The following PGRMC1 variants were observed in gnomAD, a reference collection of about 807,000 sequenced individuals.
PGRMC1 encodes progesterone receptor membrane component 1.
For synonymous variants in PGRMC1, 73 were observed against 77.3 expected (o/e 0.94, Z 0.29); for missense variants, 145 against 169.0 (o/e 0.86, Z 0.79).
intron 2 of PGRMC1, among the ~76,000 whole-genome samples, chrX:119,240,746 G>T (rs1468895449): frequency 8.9e-6 from 1 of 111,792 alleles, no homozygotes; most frequent in Non-Finnish European, 1.9e-5. Flanking sequence ...AGGATTTGGT[G>T]CTTGGTGTGT....
rs142344411 is a variant in PGRMC1, at chrX:119,243,200, T to C, written c.534T>C (p.Thr178=). Residue 178 remains threonine, a synonymous_variant, in exon 3 of 3, where the codon ACT becomes ACC. Coordinates refer to ENST00000217971, the MANE Select transcript of PGRMC1 (RefSeq NM_006667.5). Reference sequence around the variant, plus strand: ...TGCTGAAGGAGGGGGAGGAGCCCACTGTGTACTCAGATGAGGAAGAACCAA... The same window carrying C: ...TGCTGAAGGAGGGGGAGGAGCCCACCGTGTACTCAGATGAGGAAGAACCAA... ...GKLLKEGEEP[T]VYSDEEEPKD... The C allele has an allele frequency of 2.5e-6, 3 of 1,205,072 alleles. No individual in the cohort carries two copies. The African/African-American group carries it at 5.2e-5, about 21-fold the overall frequency.
At chrX:119,237,233 A>G (rs1456635131) in intron 1 of PGRMC1, among the ~76,000 whole-genome samples, 1 of 111,105 alleles carries the variant, frequency 9.0e-6, no homozygotes, top group Non-Finnish European at 1.9e-5. Flanking sequence ...AGGGTGTGGG[A>G]GAAAACGCCG....
In PGRMC1 at chrX:119,236,650, A is replaced by G. The variant is rs777697540; in HGVS notation, c.287A>G (p.Lys96Arg). 5 of 1,204,829 alleles carry G rather than the reference A, an allele frequency of 4.1e-6. No individual in the cohort carries two copies. In the East Asian group the frequency reaches 8.9e-5, roughly 22 times the overall value. The part of the protein sequence containing the change: ...DPRILMAING[K>R]VFDVTKGRKF... ...CGCATACTCATGGCCATCAACGGCA[A>G]GGTGTTCGATGTGACCAAAGGCCGC... The change falls in exon 1 of 3, where the codon AAG (lysine) becomes AGG (arginine). Residue 96 changes from lysine (K) to arginine (R), a missense_variant. Lys to Arg is a conservative substitution (Grantham distance 26, BLOSUM62 2). Coordinates refer to ENST00000217971, the MANE Select transcript of PGRMC1 (RefSeq NM_006667.5).
At chrX:119,238,124 AT>A (rs2147229702) in intron 1 of PGRMC1, among the ~76,000 whole-genome samples, 1 of 112,200 alleles carries the variant, frequency 8.9e-6, no homozygotes, top group East Asian at 2.8e-4. Flanking sequence ...TCAGGCATTC[AT>A]TTTAGTCTCC....
chrX:119,238,196 C>CATTTATTTATTATAAAAAATAAATTTT (rs1930742262), intron 1 of PGRMC1, among the ~76,000 whole-genome samples: 2 of 111,307 alleles, frequency 1.8e-5, no homozygotes, highest in Non-Finnish European at 3.8e-5. Flanking sequence ...TTCTTGCAGA[C>CATTTATTTATTATAAAAAATAAATTTT]ATTTATTTAT....
At position 119,236,910 on chromosome X, in the gene PGRMC1, C is replaced by G. The variant is rs963596725; in HGVS notation, c.328+219C>G. On this transcript the variant is annotated intron_variant, in intron 1 of 2. Transcript: ENST00000217971. ...AGAGGGGCTGCGGGCCAGTCAGGGA[C>G]GCGGATCCCCGGCCCGCGCTGACAG... is the stretch of plus-strand genomic sequence containing the variant. 4.8e-4 allele frequency among the ~76,000 whole-genome samples: 54 copies of G among 111,941 alleles called. 1 individual carries two copies. The highest frequency in any genetic ancestry group is 1.7e-3 in the African/African-American group (51 of 30,816).
Position 119,243,293 on chromosome X carries a change from A to G in PGRMC1, c.*39A>G, listed in dbSNP as rs774904900. 6 of 856,145 alleles carry G rather than the reference A, an allele frequency of 7.0e-6. No homozygotes were observed. In the East Asian group the frequency reaches 1.9e-4, roughly 27 times the overall value. The allele number at this position is 856,145 out of a possible 1,213,427, so 70.6% of individuals were successfully genotyped here. On this transcript the variant is annotated 3_prime_UTR_variant, in exon 3 of 3. Coordinates refer to ENST00000217971, the MANE Select transcript of PGRMC1 (RefSeq NM_006667.5). ...AGTATATCTATTTTTGTATTTTGCA[A>G]AATCATTTGTAACAGTCCACTCTGT... is the stretch of plus-strand genomic sequence containing the variant.
At position 119,236,699 on chromosome X, in the gene PGRMC1, G is replaced by T. The variant is rs781351048; in HGVS notation, c.328+8G>T. ...GCAAATTCTACGGGCCCGGTACGCG[G>T]CCGGCGAGGGGGGCTTGGAGACAAA... On this transcript the variant is annotated splice_region_variant and intron_variant, in intron 1 of 2. Coordinates refer to ENST00000217971, the MANE Select transcript of PGRMC1 (RefSeq NM_006667.5). The T allele has an allele frequency of 1.1e-4, 124 of 1,165,696 alleles. No individual in the cohort carries two copies. Among genetic ancestry groups the T allele is most frequent in the East Asian group, 9.6e-4 (31 of 32,313 alleles).
At position 119,236,288 on chromosome X, in the gene PGRMC1, C is replaced by G. The variant is rs749139112; in HGVS notation, c.-76C>G. Reference sequence around the variant, plus strand: ...CCGCCGCCGAACCCCGCGCGCCACTCGCTCGCTCAGAGGGAGGAGAAAGTG... The same window carrying G: ...CCGCCGCCGAACCCCGCGCGCCACTGGCTCGCTCAGAGGGAGGAGAAAGTG... On this transcript the variant is annotated 5_prime_UTR_variant, in exon 1 of 3. Transcript: ENST00000217971. 4.0e-6 allele frequency: 4 copies of G among 996,117 alleles called. No individual in the cohort carries two copies. The African/African-American group carries it at 5.7e-5, about 14-fold the overall frequency. The allele number at this position is 996,117 out of a possible 1,213,427, so 82.1% of individuals were successfully genotyped here. A position where few individuals can be genotyped will look rare whatever the true frequency, so the allele number is the denominator to read the frequency against.
At position 119,243,705 on chromosome X, in the gene PGRMC1, A is replaced by T. The variant is rs1438312503; in HGVS notation, c.*451A>T. On this transcript the variant is annotated 3_prime_UTR_variant, in exon 3 of 3. Coordinates refer to ENST00000217971, the MANE Select transcript of PGRMC1 (RefSeq NM_006667.5). Reference sequence around the variant, plus strand: ...ATGATTTCTGTTTTATCTACCTCTAAAGCAAATCTGCAGTGTTCCAAAGAC... The same window carrying T: ...ATGATTTCTGTTTTATCTACCTCTATAGCAAATCTGCAGTGTTCCAAAGAC... The T allele has an allele frequency of 6.0e-5, 10 of 165,856 alleles. No homozygotes were observed. The highest frequency in any genetic ancestry group is 1.1e-4 in the Non-Finnish European group (10 of 88,572). 13.7% of individuals were successfully genotyped at this position (165,856 alleles called of 1,213,427 possible). A position where few individuals can be genotyped will look rare whatever the true frequency, so the allele number is the denominator to read the frequency against.
At chrX:119,237,403 C>T (rs960134208) in intron 1 of PGRMC1, among the ~76,000 whole-genome samples, 4 of 109,082 alleles carry the variant, frequency 3.7e-5, no homozygotes, top group Non-Finnish European at 7.6e-5. Flanking sequence ...ATGGGTCATG[C>T]GTCAGGTATG....
intron 2 of PGRMC1, among the ~76,000 whole-genome samples, chrX:119,241,642 T>TA (rs1930821077): frequency 8.9e-6 from 1 of 112,007 alleles, no homozygotes; most frequent in Non-Finnish European, 1.9e-5. Flanking sequence ...CAGCTACACT[T>TA]AAAGTTGGTG....
intron 1 of PGRMC1, among the ~76,000 whole-genome samples, chrX:119,238,832 T>A (rs1414981200): frequency 1.8e-5 from 2 of 112,379 alleles, no homozygotes; most frequent in Admixed American, 1.9e-4. Context: ...AAATTAGTCA[T>A]TCTAGTGCCT....
rs1336208437 is a variant in PGRMC1 at position 119,244,199 on chromosome X, CTGT to C, written c.*950_*952del. 1 of 112,553 alleles carries C rather than the reference CTGT, an allele frequency of 8.9e-6. No homozygotes were observed. Among genetic ancestry groups the C allele is most frequent in the Non-Finnish European group, 1.9e-5 (1 of 53,221 alleles). 9.3% of individuals were successfully genotyped at this position (112,553 alleles called of 1,213,427 possible). A position where few individuals can be genotyped will look rare whatever the true frequency, so the allele number is the denominator to read the frequency against. ...GTATATTCATAAGGTAACAGTTATT[CTGT>C]TGTTATAAAACTATACCCACTGCAA... On this transcript the variant is annotated 3_prime_UTR_variant, in exon 3 of 3. Coordinates refer to ENST00000217971, the MANE Select transcript of PGRMC1 (RefSeq NM_006667.5).
rs41295162 is a variant in PGRMC1 at position 119,243,036 on chromosome X, C to T, written c.485-115C>T. On this transcript the variant is annotated intron_variant, in intron 2 of 2. Transcript: ENST00000217971. The stretch of plus-strand genomic sequence containing the variant: ...ACCACCTTTGTATCCTTCAAGAAGC[C>T]CAACACATTGCTGAGTATATTGCAG... The T allele has an allele frequency of 1.5e-3, 837 of 545,693 alleles. 9 individuals are homozygous for T. In the Admixed American group the frequency reaches 0.015, roughly 10 times the overall value. The allele number at this position is 545,693 out of a possible 1,213,427, so 45.0% of individuals were successfully genotyped here. A position where few individuals can be genotyped will look rare whatever the true frequency, so the allele number is the denominator to read the frequency against.
intron 2 of PGRMC1, among the ~76,000 whole-genome samples, chrX:119,241,013 T>C (rs1396910297): frequency 8.9e-6 from 1 of 112,174 alleles, no homozygotes; most frequent in African/African-American, 3.2e-5. Context: ...TTCTGGCTTA[T>C]GCTATGGGCT....
Position 119,243,379 on chromosome X carries a change from A to G in PGRMC1, c.*125A>G. 1 of 508,430 alleles carries G rather than the reference A, an allele frequency of 2.0e-6. No individual in the cohort carries two copies. 41.9% of individuals were successfully genotyped at this position (508,430 alleles called of 1,213,427 possible). On this transcript the variant is annotated 3_prime_UTR_variant, in exon 3 of 3. Transcript: ENST00000217971. ...TTGAGCACTTGCTATAAGTTTTTTA[A>G]TTAACATCACTAGTGACACTAATAA...
chrX:119,240,192 G>T lies in PGRMC1; in HGVS notation c.329-117G>T, dbSNP rs1930787038. Reference sequence around the variant, plus strand: ...TCAGCATTACTATGGTTTCCTAATGGAATTTGATATTCAAAAATGGGGCTA... The same window carrying T: ...TCAGCATTACTATGGTTTCCTAATGTAATTTGATATTCAAAAATGGGGCTA... On this transcript the variant is annotated intron_variant, in intron 1 of 2. Coordinates refer to ENST00000217971, the MANE Select transcript of PGRMC1 (RefSeq NM_006667.5). 19 of 658,599 alleles carry T rather than the reference G, an allele frequency of 2.9e-5. No homozygotes were observed. The South Asian group carries it at 3.9e-4, about 14-fold the overall frequency. 54.3% of individuals were successfully genotyped at this position (658,599 alleles called of 1,213,427 possible).
In PGRMC1 at chrX:119,243,347, G is replaced by T. The variant is rs1452453607; in HGVS notation, c.*93G>T. 2 of 573,263 alleles carry T rather than the reference G, an allele frequency of 3.5e-6. No homozygotes were observed. Among genetic ancestry groups the T allele is most frequent in the African/African-American group, 2.2e-5 (1 of 44,590 alleles). 47.2% of individuals were successfully genotyped at this position (573,263 alleles called of 1,213,427 possible). On this transcript the variant is annotated 3_prime_UTR_variant, in exon 3 of 3. Coordinates refer to ENST00000217971, the MANE Select transcript of PGRMC1 (RefSeq NM_006667.5). ...TAAAACATAGTGATTACAATATTTA[G>T]AAAGTTTTGAGCACTTGCTATAAGT...
Sources: allele counts gnomAD v4.1 joint callset (sites outside exome capture counted in the v4.1 genomes callset), GRCh38; gene constraint gnomAD v4.1.1; transcripts MANE v1.5; gene names NCBI Gene and HGNC (gene_info 2026-07-23, HGNC 2026-07-21).